OR2L2: variants seen among roughly 807,000 people sequenced by gnomAD.
OR2L2 encodes the protein olfactory receptor family 2 subfamily L member 2, also known as olfactory receptor 2L2.
For synonymous variants in OR2L2, 156 were observed against 135.4 expected, an observed-to-expected ratio of 1.15 and a Z score of -1.06; for missense variants, 378 against 375.2, an observed-to-expected ratio of 1.01 and a Z score of -0.06.
In OR2L2 at chr1:248,038,087, ATAAAT is replaced by A. The variant is rs577759352; in HGVS notation, c.-21-155_-21-151del. 1.4e-3 allele frequency: 718 copies of A among 500,458 alleles called. 4 individuals carry two copies. The highest frequency in any genetic ancestry group is 0.013 in the African/African-American group (654 of 51,772). 31.0% of individuals were successfully genotyped at this position (500,458 alleles called of 1,614,324 possible). On this transcript the variant is annotated intron_variant, in intron 2 of 2. Coordinates refer to ENST00000641771, the MANE Select transcript of OR2L2 (RefSeq NM_001385855.1). The stretch of plus-strand genomic sequence containing the variant: ...TGTTAATCTCTTCCTTGCCTAATTT[ATAAAT>A]TAAAGTTTATAATATGCATTTATGG...
chr1:248,030,755 T>C (rs1012503541), intron 1 of OR2L2, among the ~76,000 whole-genome samples: 1 of 152,162 alleles, frequency 6.6e-6, no homozygotes, highest in Non-Finnish European at 1.5e-5. Context: ...GGTGGTGATG[T>C]CAATGTAAAG....
chr1:248,031,105 C>G (rs528100636), intron 1 of OR2L2, among the ~76,000 whole-genome samples: 1 of 152,078 alleles, frequency 6.6e-6, no homozygotes, highest in African/African-American at 2.4e-5. Context: ...ACAGAACCCA[C>G]GTGGATTTAT....
chr1:248,039,131 C>T lies in OR2L2; in HGVS notation c.864C>T (p.Ile288=), dbSNP rs771441179. Residue 288 remains isoleucine, a synonymous_variant, in exon 3 of 3, where the codon ATC becomes ATT. Transcript: ENST00000641771. The part of the protein sequence containing the change: ...TILTPMLNPI[I]YSLRNKEVMG... ...TCACCCCAATGCTCAACCCCATCAT[C>T]TACAGCCTGAGAAACAAGGAGGTGA... 1.8e-5 allele frequency: 29 copies of T among 1,613,910 alleles called. No homozygotes were observed. The highest frequency in any genetic ancestry group is 2.3e-5 in the Non-Finnish European group (27 of 1,179,984).
intron 1 of OR2L2, among the ~76,000 whole-genome samples, chr1:248,032,669 G>A (rs139778803): frequency 2.5e-4 from 38 of 152,172 alleles, no homozygotes; most frequent in African/African-American, 8.2e-4. Flanking sequence ...CTATGTTGTA[G>A]CATGTGTCAA....
chr1:248,030,792 G>A (rs1342161250), intron 1 of OR2L2, among the ~76,000 whole-genome samples: 1 of 152,092 alleles, frequency 6.6e-6, no homozygotes, highest in African/African-American at 2.4e-5. Context: ...TAAAACCAAT[G>A]GAATCACGGA....
At chr1:248,031,205 G>A (rs905087175) in intron 1 of OR2L2, among the ~76,000 whole-genome samples, 1 of 152,112 alleles carries the variant, frequency 6.6e-6, no homozygotes, top group Non-Finnish European at 1.5e-5. Context: ...GATATATAAT[G>A]GCTGAGACTG....
In OR2L2 at chr1:248,038,548, C is replaced by T. The variant is rs747647034; in HGVS notation, c.281C>T (p.Thr94Ile). 49 of 1,614,064 alleles carry T rather than the reference C, an allele frequency of 3.0e-5. No individual in the cohort carries two copies. The highest frequency in any genetic ancestry group is 4.1e-5 in the Non-Finnish European group (48 of 1,180,036). The change falls in exon 3 of 3, where the codon ACT becomes ATT. Residue 94 changes from threonine (T) to isoleucine (I), a missense_variant. Coordinates refer to ENST00000641771, the MANE Select transcript of OR2L2 (RefSeq NM_001385855.1). ...FLYGNKSISFTGCGIQSFFFL... is the reference protein window; with the variant it reads ...FLYGNKSISFIGCGIQSFFFL... The stretch of plus-strand genomic sequence containing the variant: ...TATGGAAACAAGTCTATCTCCTTCA[C>T]TGGATGTGGGATTCAGAGTTTCTTC...
chr1:248,036,642 G>A (rs1324992420), intron 2 of OR2L2, among the ~76,000 whole-genome samples: 1 of 151,982 alleles, frequency 6.6e-6, no homozygotes, highest in Non-Finnish European at 1.5e-5. Context: ...TAATTTTCAA[G>A]CCTAAAAACT....
intron 1 of OR2L2, among the ~76,000 whole-genome samples, chr1:248,034,787 A>G (rs908381762): frequency 2.0e-5 from 3 of 152,200 alleles, no homozygotes; most frequent in African/African-American, 7.2e-5. Context: ...TTGTTAGTGT[A>G]TAGCCACTTG....
At chr1:248,034,042 C>CA (rs1272264496) in intron 1 of OR2L2, among the ~76,000 whole-genome samples, 10 of 152,006 alleles carry the variant, frequency 6.6e-5, no homozygotes, top group African/African-American at 2.4e-4. Flanking sequence ...TTTCAGGATA[C>CA]AAAATTAATG....
At chr1:248,036,714 A>C (rs962913075) in intron 2 of OR2L2, among the ~76,000 whole-genome samples, 3 of 152,158 alleles carry the variant, frequency 2.0e-5, no homozygotes, top group African/African-American at 7.2e-5. Flanking sequence ...GGAGAAGAAT[A>C]CTCGAACCAC....
At position 248,035,050 on chromosome 1, in the gene OR2L2, CTT is replaced by C. The variant is rs74814875; in HGVS notation, c.-96-486_-96-485del. ...ATTAAGATAACATATTTATCTTTCC[CTT>C]TTTTTTTTTTTTTGTTCAATCGCTT... On this transcript the variant is annotated intron_variant, in intron 1 of 2. Transcript: ENST00000641771. Among the ~76,000 whole-genome samples the C allele has an allele frequency of 2.0e-3, 282 of 140,684 alleles. 1 individual carries two copies. The highest frequency in any genetic ancestry group is 6.6e-3 in the African/African-American group (254 of 38,656). The allele number at this position is 140,684 out of a possible 152,430, so 92.3% of individuals were successfully genotyped here.
Position 248,038,931 on chromosome 1 carries a change from C to A in OR2L2, c.664C>A (p.Leu222Ile), listed in dbSNP as rs117341791. The A allele has an allele frequency of 2.2e-4, 351 of 1,614,028 alleles. No individual in the cohort carries two copies. The highest frequency in any genetic ancestry group is 1.0e-4 in the Admixed American group (6 of 60,002). Residue 222 changes from leucine (L) to isoleucine (I), a missense_variant, in exon 3 of 3, where the codon CTT becomes ATT. Transcript: ENST00000641771. ...TGCATGTTCCTATGGCCGGGTTCTC[C>A]TTGCTGTCTACCGCATGCACTCTGC... ...GIACSYGRVL[L>I]AVYRMHSAEG...
intron 1 of OR2L2, among the ~76,000 whole-genome samples, chr1:248,034,197 A>G (rs1166571002): frequency 6.6e-6 from 1 of 152,210 alleles, no homozygotes; most frequent in Non-Finnish European, 1.5e-5. Flanking sequence ...ATGCTCATGG[A>G]TAGGTAGAAT....
At chr1:248,030,751 G>C (rs1347583090) in intron 1 of OR2L2, among the ~76,000 whole-genome samples, 1 of 152,076 alleles carries the variant, frequency 6.6e-6, no homozygotes, top group Non-Finnish European at 1.5e-5. Context: ...TGTCGGTGGT[G>C]ATGTCAATGT....
intron 1 of OR2L2, among the ~76,000 whole-genome samples, chr1:248,033,557 C>T (rs1662675976): frequency 1.3e-5 from 2 of 151,898 alleles, no homozygotes; most frequent in Non-Finnish European, 2.9e-5. Context: ...CCATCTCAAG[C>T]CCCCAAGTAG....
Position 248,038,877 on chromosome 1 carries a change from A to G in OR2L2, c.610A>G (p.Ile204Val), listed in dbSNP as rs1485134258. ...GAGCACAGTGTTTTTGAGCAGCACC[A>G]TCTTTCTTGTGCTTCCTTTCACTGG... Reference protein sequence around the residue: ...YESTVFLSSTIFLVLPFTGIA... With the variant: ...YESTVFLSSTVFLVLPFTGIA... Residue 204 changes from isoleucine (I) to valine (V), a missense_variant, in exon 3 of 3, where the codon ATC becomes GTC. Ile to Val is a conservative substitution (Grantham distance 29, BLOSUM62 3). Coordinates refer to ENST00000641771, the MANE Select transcript of OR2L2 (RefSeq NM_001385855.1). 1 of 1,614,104 alleles carries G rather than the reference A, an allele frequency of 6.2e-7. No individual in the cohort carries two copies. Among genetic ancestry groups the G allele is most frequent in the Non-Finnish European group, 8.5e-7 (1 of 1,180,014 alleles).
rs1232031881 is a variant in OR2L2, at chr1:248,042,141, G to A, written c.*2935G>A. 6.6e-6 allele frequency: 1 copy of A among 152,050 alleles called. No homozygotes were observed. The highest frequency in any genetic ancestry group is 1.9e-4 in the East Asian group (1 of 5,196). The allele number at this position is 152,050 out of a possible 1,614,324, so 9.4% of individuals were successfully genotyped here. On this transcript the variant is annotated 3_prime_UTR_variant, in exon 3 of 3. Coordinates refer to ENST00000641771, the MANE Select transcript of OR2L2 (RefSeq NM_001385855.1). Reference sequence around the variant, plus strand: ...CGATGATAGACTGGATTAAGAAAATGTGGCACATATACACCATGGAATACT... The same window carrying A: ...CGATGATAGACTGGATTAAGAAAATATGGCACATATACACCATGGAATACT...
In OR2L2 at chr1:248,040,141, A is replaced by G. The variant is rs1398290011; in HGVS notation, c.*935A>G. The G allele has an allele frequency of 6.6e-6, 1 of 152,180 alleles. No homozygotes were observed. Among genetic ancestry groups the G allele is most frequent in the African/African-American group, 2.4e-5 (1 of 41,444 alleles). 9.4% of individuals were successfully genotyped at this position (152,180 alleles called of 1,614,324 possible). On this transcript the variant is annotated 3_prime_UTR_variant, in exon 3 of 3. Coordinates refer to ENST00000641771, the MANE Select transcript of OR2L2 (RefSeq NM_001385855.1). The stretch of plus-strand genomic sequence containing the variant: ...TTCCACTTACTCTTCTCATAAATCA[A>G]TAGGACTATTCAGCTTGGATTGGGA...
Sources: allele counts gnomAD v4.1 joint callset (sites outside exome capture counted in the v4.1 genomes callset), GRCh38; gene constraint gnomAD v4.1.1; transcripts MANE v1.5; gene names NCBI Gene and HGNC (gene_info 2026-07-23, HGNC 2026-07-21).